The following KIF6 variants were observed in gnomAD, a reference collection of about 807,000 sequenced individuals.
KIF6 encodes the protein kinesin family member 6.
Under a neutral mutation model 112.7 loss-of-function variants are expected in KIF6, and 106 were observed. The ratio of observed to expected loss-of-function variants is 0.94; its 90% confidence interval spans 0.80 to 1.11. The LOEUF is 1.11. KIF6 is among the 50% of genes least tolerant of loss of function. KIF6 has a pLI of 0.00. For missense variants in KIF6, 929 were observed against 964.0 expected, an observed-to-expected ratio of 0.96 and a Z score of 0.48; for synonymous variants, 339 against 339.9, an observed-to-expected ratio of 1.00 and a Z score of 0.03.
chr6:39,422,519 T>A (rs1273992869), intron 14 of KIF6, among the ~76,000 whole-genome samples: 3 of 152,168 alleles, frequency 2.0e-5, no homozygotes, highest in Non-Finnish European at 4.4e-5. Context: ...CTCTGGAAGT[T>A]GTCACCACTC....
chr6:39,346,806 C>T (rs1763844149), intron 19 of KIF6, among the ~76,000 whole-genome samples: 1 of 152,148 alleles, frequency 6.6e-6, no homozygotes, highest in Admixed American at 6.5e-5. Flanking sequence ...CATCACAACA[C>T]CTGGCTAATT....
intron 16 of KIF6, among the ~76,000 whole-genome samples, chr6:39,379,322 C>T (rs570837097): frequency 1.3e-5 from 2 of 152,246 alleles, no homozygotes; most frequent in South Asian, 4.2e-4. Context: ...TTATTTTATG[C>T]TCAAATGTCT....
intron 13 of KIF6, among the ~76,000 whole-genome samples, chr6:39,529,798 G>C (rs1216299088): frequency 1.3e-5 from 2 of 152,076 alleles, no homozygotes; most frequent in Non-Finnish European, 2.9e-5. Flanking sequence ...AAAAAAAAAG[G>C]GTGACCTGAT....
chr6:39,641,967 T>G (rs1268081695), intron 3 of KIF6, among the ~76,000 whole-genome samples: 1 of 152,124 alleles, frequency 6.6e-6, no homozygotes. Context: ...CCATGGCTAT[T>G]TATTTATTAC....
At chr6:39,473,317 GT>G (rs1774243452) in intron 13 of KIF6, among the ~76,000 whole-genome samples, 1 of 152,114 alleles carries the variant, frequency 6.6e-6, no homozygotes, top group Non-Finnish European at 1.5e-5. Flanking sequence ...AAAAAATAAG[GT>G]TTTGCTAACT....
chr6:39,594,290 C>T (rs1289215415), intron 7 of KIF6, among the ~76,000 whole-genome samples: 1 of 151,672 alleles, frequency 6.6e-6, no homozygotes, highest in Non-Finnish European at 1.5e-5. Flanking sequence ...ACTGATGAAC[C>T]TAATTTTGCA....
intron 16 of KIF6, among the ~76,000 whole-genome samples, chr6:39,380,989 G>T (rs1183676430): frequency 6.6e-6 from 1 of 152,138 alleles, no homozygotes; most frequent in Non-Finnish European, 1.5e-5. Flanking sequence ...AGTACTAACA[G>T]TTTATGCTTT....
intron 3 of KIF6, among the ~76,000 whole-genome samples, chr6:39,687,779 C>A (rs1417491717): frequency 6.6e-6 from 1 of 152,224 alleles, no homozygotes; most frequent in Non-Finnish European, 1.5e-5. Context: ...ATTAGCCATG[C>A]AACCTTTGCA....
intron 10 of KIF6, among the ~76,000 whole-genome samples, chr6:39,573,265 T>C (rs1561823520): frequency 6.6e-6 from 1 of 152,102 alleles, no homozygotes; most frequent in Non-Finnish European, 1.5e-5. Context: ...TTCACATTCC[T>C]GAATAAATAT....
chr6:39,617,732 G>A (rs529119620), intron 5 of KIF6: 204 of 455,576 alleles, frequency 4.5e-4, no homozygotes, highest in Admixed American at 1.3e-3. Context: ...GGTGACTTGA[G>A]GTCATACAGA....
At chr6:39,534,663 C>T (rs566004969) in intron 13 of KIF6, among the ~76,000 whole-genome samples, 1 of 152,214 alleles carries the variant, frequency 6.6e-6, no homozygotes, top group East Asian at 1.9e-4. Flanking sequence ...GGAGAACTTC[C>T]CCAATCGAGC....
rs181821616 is a variant in KIF6 at position 39,547,445 on chromosome 6, A to T, written c.1182-1757T>A. ...GGGATTTATTCCTGATACATTTTTT[A>T]AAAAATCATGTAAATTATTATGAAA... is the stretch of plus-strand genomic sequence containing the variant. On this transcript the variant is annotated intron_variant, in intron 10 of 22. Coordinates refer to ENST00000287152, the MANE Select transcript of KIF6 (RefSeq NM_145027.6). Among the ~76,000 whole-genome samples the T allele has an allele frequency of 2.8e-3, 425 of 152,308 alleles. 2 individuals carry two copies. The highest frequency in any genetic ancestry group is 0.02 in the Middle Eastern group (6 of 294).
At chr6:39,479,675 G>C (rs967993481) in intron 13 of KIF6, among the ~76,000 whole-genome samples, 1 of 152,108 alleles carries the variant, frequency 6.6e-6, no homozygotes, top group Non-Finnish European at 1.5e-5. Flanking sequence ...TGAATTTGTA[G>C]ATTGCTTTTG....
chr6:39,657,581 G>A (rs1785876533), intron 3 of KIF6, among the ~76,000 whole-genome samples: 2 of 152,092 alleles, frequency 1.3e-5, no homozygotes, highest in South Asian at 4.1e-4. Flanking sequence ...TTGTTTCTCT[G>A]ACAAACATAA....
At chr6:39,512,626 G>A (rs1462986096) in intron 13 of KIF6, among the ~76,000 whole-genome samples, 1 of 152,120 alleles carries the variant, frequency 6.6e-6, no homozygotes, top group African/African-American at 2.4e-5. Context: ...GGTTATGTTT[G>A]AGAGTTTTCC....
intron 13 of KIF6, among the ~76,000 whole-genome samples, chr6:39,442,129 G>A (rs893601019): frequency 2.6e-5 from 4 of 152,162 alleles, no homozygotes; most frequent in African/African-American, 9.7e-5. Context: ...GACCACGCGG[G>A]CTGGGTGGAA....
intron 2 of KIF6, 74 bp downstream of exon 2, chr6:39,720,628 A>G (rs1790154328): frequency 2.6e-6 from 2 of 775,524 alleles, no homozygotes; most frequent in Admixed American, 4.1e-5. Flanking sequence ...ATGATTTCAC[A>G]ATGAATATTA....
intron 13 of KIF6, among the ~76,000 whole-genome samples, chr6:39,513,998 AT>A (rs139678445): frequency 0.094 from 14,331 of 152,264 alleles, 779 homozygotes; most frequent in Middle Eastern, 0.15. Context: ...TGTTATAGAG[AT>A]GTATCAAGCA....
intron 13 of KIF6, among the ~76,000 whole-genome samples, chr6:39,481,088 T>C (rs903624113): frequency 7.2e-5 from 11 of 152,162 alleles, no homozygotes; most frequent in African/African-American, 2.7e-4. Context: ...ATAATCTATA[T>C]TTAAGTGAGA....
Sources: allele counts gnomAD v4.1 joint callset (sites outside exome capture counted in the v4.1 genomes callset), GRCh38; gene constraint gnomAD v4.1.1; transcripts MANE v1.5; gene names NCBI Gene and HGNC (gene_info 2026-07-23, HGNC 2026-07-21).